Variants in DCSTAMP observed in about 807,000 individuals in gnomAD.
The protein encoded by DCSTAMP is dendritic cell-specific transmembrane protein.
Under a neutral mutation model 33.8 loss-of-function variants are expected in DCSTAMP, and 25 were observed. The observed-to-expected ratio is 0.74, with a 90% confidence interval of 0.54 to 1.03. The LOEUF is 1.03. Among genes scored for constraint, DCSTAMP ranks in the 50% least tolerant of loss-of-function variants. DCSTAMP has a pLI of 0.00. For missense variants in DCSTAMP, 531 were observed against 556.8 expected, an observed-to-expected ratio of 0.95 and a Z score of 0.47; for synonymous variants, 245 against 216.7, an observed-to-expected ratio of 1.13 and a Z score of -1.15.
rs1810384098 is a variant in DCSTAMP at position 104,348,830 on chromosome 8, A to G, written c.278A>G (p.Glu93Gly). 6.2e-7 allele frequency: 1 copy of G among 1,614,202 alleles called. No individual in the cohort carries two copies. The highest frequency in any genetic ancestry group is 8.5e-7 in the Non-Finnish European group (1 of 1,180,052). ...GTCTTTCTCTCTTGTGGCCTGCGTG[A>G]AGGCAGGAATGCTTTGATTGCAGCT... ...LLVFLSCGLR[E>G]GRNALIAAGT... Residue 93 changes from glutamate to glycine, a missense_variant, in exon 2 of 4, where the codon GAA becomes GGA. Coordinates refer to ENST00000297581, the MANE Select transcript of DCSTAMP (RefSeq NM_030788.4).
Position 104,356,462 on chromosome 8 carries a change from G to A in DCSTAMP, c.*264G>A. ...CACAATGTAACAAGACTCTAGCTGG[G>A]TCCCCTGGTGATGAGTTTCAGCATA... is the stretch of plus-strand genomic sequence containing the variant. On this transcript the variant is annotated 3_prime_UTR_variant, in exon 4 of 4. Transcript: ENST00000297581. 3.7e-6 allele frequency: 1 copy of A among 270,454 alleles called. No individual in the cohort carries two copies. The highest frequency in any genetic ancestry group is 6.6e-5 in the East Asian group (1 of 15,156). 16.8% of individuals were successfully genotyped at this position (270,454 alleles called of 1,614,324 possible).
intron 2 of DCSTAMP, among the ~76,000 whole-genome samples, chr8:104,351,447 A>C (rs1173851902): frequency 1.3e-5 from 2 of 152,198 alleles, no homozygotes; most frequent in Non-Finnish European, 2.9e-5. Flanking sequence ...GAAAGAATTC[A>C]AGAGTGAGCT....
chr8:104,344,295 T>TA (rs1327630798), intron 1 of DCSTAMP, among the ~76,000 whole-genome samples: 22 of 152,114 alleles, frequency 1.4e-4, no homozygotes, highest in African/African-American at 5.1e-4. Context: ...TTTGATTTAT[T>TA]AAAATTAAAA....
Position 104,355,129 on chromosome 8 carries a change from A to T in DCSTAMP, c.1282A>T (p.Arg428Ter). The change falls in exon 3 of 4, where the codon AGA (arginine) becomes TGA (stop). Residue 428 changes from arginine (R) to a stop codon, truncating the protein, a stop_gained. Coordinates refer to ENST00000297581, the MANE Select transcript of DCSTAMP (RefSeq NM_030788.4). LOFTEE classifies it high-confidence loss of function. ...QYLHAKLLKKRSKQPLGEVKR... is the reference protein window; with the variant it reads ...QYLHAKLLKK ...TCTGCATGCAAAGCTGCTTAAAAAA[A>T]GATCAAAGCAGCCGCTGGGAGAAGT... The T allele has an allele frequency of 6.2e-7, 1 of 1,614,120 alleles. No homozygotes were observed. The highest frequency in any genetic ancestry group is 1.7e-5 in the Admixed American group (1 of 60,002).
At position 104,349,200 on chromosome 8, in the gene DCSTAMP, C is replaced by T; in HGVS notation, c.648C>T (p.Ala216=). The T allele has an allele frequency of 6.2e-7, 1 of 1,614,238 alleles. No individual in the cohort carries two copies. The highest frequency in any genetic ancestry group is 1.6e-4 in the Middle Eastern group (1 of 6,062). The part of the protein sequence containing the change: ...VLSSLGQKLL[A]FAGLSLVLLG... ...CCTCCCTGGGTCAGAAGCTACTTGC[C>T]TTTGCAGGGCTTTCGCTCGTCCTGC... Residue 216 remains alanine (A), a synonymous_variant, in exon 2 of 4, where the codon GCC becomes GCT. Coordinates refer to ENST00000297581, the MANE Select transcript of DCSTAMP (RefSeq NM_030788.4).
At chr8:104,349,643 G>A (rs965851484) in intron 2 of DCSTAMP, 62 bp downstream of exon 2, 43 of 1,535,266 alleles carry the variant, frequency 2.8e-5, no homozygotes, top group Non-Finnish European at 3.5e-5. Flanking sequence ...TCTTGCAAAA[G>A]ATCATGAACC....
At chr8:104,355,326 A>T (rs1810593812) in intron 3 of DCSTAMP, 141 bp downstream of exon 3, 2 of 811,086 alleles carry the variant, frequency 2.5e-6, no homozygotes, top group Non-Finnish European at 3.8e-6. Flanking sequence ...CATTGAGGAA[A>T]AATGAACAAA....
chr8:104,348,532 C>T lies in DCSTAMP; in HGVS notation c.-12-9C>T, dbSNP rs150867066. 337 of 1,589,598 alleles carry T rather than the reference C, an allele frequency of 2.1e-4. 2 individuals are homozygous for T. The African/African-American group carries it at 3.7e-3, about 18-fold the overall frequency. On this transcript the variant is annotated splice_polypyrimidine_tract_variant and intron_variant, in intron 1 of 3. Coordinates refer to ENST00000297581, the MANE Select transcript of DCSTAMP (RefSeq NM_030788.4). Reference sequence around the variant, plus strand: ...TAATTTCTGACCTTGGTTTCTTTTTCATTTTCAGGACGCAGGGAGCATGGG... The same window carrying T: ...TAATTTCTGACCTTGGTTTCTTTTTTATTTTCAGGACGCAGGGAGCATGGG...
At position 104,349,452 on chromosome 8, in the gene DCSTAMP, A is replaced by G. The variant is rs1161244378; in HGVS notation, c.900A>G (p.Ile300Met). Residue 300 changes from isoleucine (I) to methionine (M), a missense_variant, in exon 2 of 4, where the codon ATA (isoleucine) becomes ATG (methionine). Physicochemically the swap from Ile to Met is conservative, Grantham distance 10. Transcript: ENST00000297581. ...ACCTGGGGCTGTTTTTCCTCCCCAT[A>G]CTTATCCATCTCTGCATCTGGGTGC... ...RKNLGLFFLP[I>M]LIHLCIWVLF... is the part of the protein sequence containing the mutation. 3 of 1,613,988 alleles carry G rather than the reference A, an allele frequency of 1.9e-6. No homozygotes were observed. Among genetic ancestry groups the G allele is most frequent in the East Asian group, 2.2e-5 (1 of 44,866 alleles).
In DCSTAMP at chr8:104,349,177, T is replaced by C. The variant is rs905159606; in HGVS notation, c.625T>C (p.Ser209Pro). 3 of 1,614,242 alleles carry C rather than the reference T, an allele frequency of 1.9e-6. No individual in the cohort carries two copies. Residue 209 changes from serine (S) to proline (P), a missense_variant, in exon 2 of 4, where the codon TCC (serine) becomes CCC (proline). Ser to Pro is a moderately conservative substitution (Grantham distance 74). Coordinates refer to ENST00000297581, the MANE Select transcript of DCSTAMP (RefSeq NM_030788.4). ...QMATTTEVLS[S>P]LGQKLLAFAG... Reference sequence around the variant, plus strand: ...GGCAACAACCACAGAGGTGTTGTCCTCCCTGGGTCAGAAGCTACTTGCCTT... The same window carrying C: ...GGCAACAACCACAGAGGTGTTGTCCCCCCTGGGTCAGAAGCTACTTGCCTT...
At chr8:104,341,850 A>G (rs2099382930) in intron 1 of DCSTAMP, among the ~76,000 whole-genome samples, 1 of 152,216 alleles carries the variant, frequency 6.6e-6, no homozygotes, top group Non-Finnish European at 1.5e-5. Flanking sequence ...TAGAAACTGC[A>G]GTTCTGAGAT....
At position 104,349,317 on chromosome 8, in the gene DCSTAMP, T is replaced by C. The variant is rs141043655; in HGVS notation, c.765T>C (p.Asp255=). The change falls in exon 2 of 4, where the codon GAT becomes GAC. Residue 255 remains aspartate, a synonymous_variant. Transcript: ENST00000297581. Reference sequence around the variant, plus strand: ...TCACCAGACAATTTGTTCAGTTTGATGAAAGGGAGAGACATCAACAGAGGC... The same window carrying C: ...TCACCAGACAATTTGTTCAGTTTGACGAAAGGGAGAGACATCAACAGAGGC... ...IYITRQFVQF[D]ERERHQQRPC... is the part of the protein sequence containing the mutation. 6.2e-6 allele frequency: 10 copies of C among 1,614,022 alleles called. No homozygotes were observed. The African/African-American group carries it at 9.3e-5, about 15-fold the overall frequency.
Position 104,346,664 on chromosome 8 carries a change from G to A in DCSTAMP, c.-12-1877G>A, listed in dbSNP as rs955150893. On this transcript the variant is annotated intron_variant, in intron 1 of 3. Transcript: ENST00000297581. ...TGACCACTCTTCAACACTCAGGCTC[G>A]CCTCATATCTCTTTTCTGCTCTGAG... 1.6e-4 allele frequency among the ~76,000 whole-genome samples: 24 copies of A among 152,180 alleles called. 1 individual carries two copies. Among genetic ancestry groups the A allele is most frequent in the Admixed American group, 1.3e-3 (20 of 15,268 alleles).
intron 3 of DCSTAMP, 44 bp downstream of exon 3, chr8:104,355,229 G>C: frequency 6.4e-7 from 1 of 1,559,954 alleles, no homozygotes; most frequent in Admixed American, 2.0e-5. Context: ...AGGAAGTGTT[G>C]AGTTTGGAGG....
At chr8:104,351,455 G>A (rs938550026) in intron 2 of DCSTAMP, among the ~76,000 whole-genome samples, 6 of 152,210 alleles carry the variant, frequency 3.9e-5, no homozygotes, top group Non-Finnish European at 8.8e-5. Flanking sequence ...TCAAGAGTGA[G>A]CTGACAGTGA....
At position 104,350,884 on chromosome 8, in the gene DCSTAMP, G is replaced by A. The variant is rs560466140; in HGVS notation, c.1029+1303G>A. ...CCAGATTCTGTTTTAATTGGACTGC[G>A]GCGAGAGATTTTTAAAACCTCCCAG... On this transcript the variant is annotated intron_variant, in intron 2 of 3. Transcript: ENST00000297581. Among the ~76,000 whole-genome samples the A allele has an allele frequency of 1.0e-3, 153 of 152,260 alleles. 4 individuals carry two copies. The South Asian group carries it at 0.029, about 29-fold the overall frequency.
chr8:104,355,313 G>T (rs1045310770), intron 3 of DCSTAMP, 128 bp downstream of exon 3: 1 of 917,496 alleles, frequency 1.1e-6, no homozygotes, highest in South Asian at 1.8e-5. Flanking sequence ...GCAGTAGATA[G>T]GACATTGAGG....
chr8:104,355,993 A>G, intron 3 of DCSTAMP, 131 bp from the exon 4 acceptor site: 1 of 746,390 alleles, frequency 1.3e-6, no homozygotes, highest in South Asian at 1.8e-5. Context: ...ACCCACAAAA[A>G]TAAGCTTGTC....
chr8:104,349,700 C>A, intron 2 of DCSTAMP, 119 bp downstream of exon 2: 14 of 1,125,004 alleles, frequency 1.2e-5, no homozygotes, highest in Non-Finnish European at 1.8e-5. Flanking sequence ...CCTTGGTGCC[C>A]AGCATAGTGC....
Sources: gnomAD v4.1 joint callset for allele counts (sites outside exome capture counted in the v4.1 genomes callset) on GRCh38, gnomAD v4.1.1 for gene constraint, MANE v1.5 for transcripts, NCBI Gene and HGNC (gene_info 2026-07-23, HGNC 2026-07-21) for gene names.